The following SLC25A13 variants were observed in gnomAD, a reference collection of about 807,000 sequenced individuals.
The protein encoded by SLC25A13 is electrogenic aspartate/glutamate antiporter SLC25A13, mitochondrial.
In SLC25A13, 70 loss-of-function variants were observed where a neutral mutation model predicts 85.5. The observed-to-expected ratio is 0.82, with a 90% CI of 0.68 to 1.00. The LOEUF (loss-of-function observed/expected upper bound fraction) is 1.00. SLC25A13 is among the 50% of genes least tolerant of loss of function. The pLI, the probability that SLC25A13 is intolerant of heterozygous loss-of-function variation, is 0.00. For missense variants in SLC25A13, 765 were observed against 819.8 expected, an observed-to-expected ratio of 0.93 and a Z score of 0.82; for synonymous variants, 259 against 288.7, an observed-to-expected ratio of 0.90 and a Z score of 1.04.
At position 96,120,782 on chromosome 7, in the gene SLC25A13, C is replaced by T. The variant is rs1017988082; in HGVS notation, c.*409G>A. Reference sequence around the variant, plus strand: ...TGTTTTTTATTTTTATAAATATGCACCTAGTTTCCTACCAGTTTAAAACAC... The same window carrying T: ...TGTTTTTTATTTTTATAAATATGCATCTAGTTTCCTACCAGTTTAAAACAC... On this transcript the variant is annotated 3_prime_UTR_variant, in exon 18 of 18. Coordinates refer to ENST00000265631, the MANE Select transcript of SLC25A13 (RefSeq NM_014251.3). The T allele has an allele frequency of 8.8e-6, 4 of 456,816 alleles. No individual in the cohort carries two copies. Among genetic ancestry groups the T allele is most frequent in the African/African-American group, 6.0e-5 (3 of 50,062 alleles). 28.3% of individuals were successfully genotyped at this position (456,816 alleles called of 1,614,324 possible). A position where few individuals can be genotyped will look rare whatever the true frequency, so the allele number is the denominator to read the frequency against.
At chr7:96,208,802 G>A in intron 5 of SLC25A13, 36 bp downstream of exon 5, 9 of 1,612,502 alleles carry the variant, frequency 5.6e-6, no homozygotes, top group Non-Finnish European at 7.6e-6. Context: ...ACCGTGCCCG[G>A]CCATACCCTT....
At chr7:96,212,855 T>C (rs1050392446) in intron 4 of SLC25A13, among the ~76,000 whole-genome samples, 8 of 152,172 alleles carry the variant, frequency 5.3e-5, no homozygotes, top group Non-Finnish European at 1.2e-4. Flanking sequence ...CTGAAGTTGT[T>C]TACCACTTGG....
At chr7:96,238,816 C>T (rs989363820) in intron 3 of SLC25A13, among the ~76,000 whole-genome samples, 1 of 151,906 alleles carries the variant, frequency 6.6e-6, no homozygotes, top group African/African-American at 2.4e-5. Context: ...ATCATATTTG[C>T]TTAATTACCC....
At chr7:96,284,064 T>A (rs548834000) in intron 2 of SLC25A13, among the ~76,000 whole-genome samples, 1 of 151,266 alleles carries the variant, frequency 6.6e-6, no homozygotes, top group African/African-American at 2.4e-5. Context: ...TAAAAGTAGT[T>A]CCTCTAAATC....
chr7:96,211,928 A>T (rs1000286173), intron 4 of SLC25A13, among the ~76,000 whole-genome samples: 9 of 152,242 alleles, frequency 5.9e-5, no homozygotes, highest in Non-Finnish European at 1.2e-4. Flanking sequence ...TTCCTGATGC[A>T]AGGGTCCAGG....
Position 96,121,356 on chromosome 7 carries a change from T to C in SLC25A13, c.1863A>G (p.Pro621=). ...GCAGGTTGATCCTGGATTTAGGAAC[T>C]GGCTCTGATCCCATGGGTTTTCTAA... The part of the protein sequence containing the change: ...FGGVKPMGSE[P]VPKSRINLPA... Residue 621 remains proline, a synonymous_variant, in exon 18 of 18, where the codon CCA becomes CCG. Transcript: ENST00000265631. The C allele has an allele frequency of 6.2e-7, 1 of 1,614,190 alleles. No homozygotes were observed. The highest frequency in any genetic ancestry group is 8.5e-7 in the Non-Finnish European group (1 of 1,180,022).
At chr7:96,224,525 G>T (rs6950250) in intron 4 of SLC25A13, among the ~76,000 whole-genome samples, 1 of 151,628 alleles carries the variant, frequency 6.6e-6, no homozygotes, top group East Asian at 1.9e-4. Flanking sequence ...CTTCCCTATC[G>T]TCCTGTGATT....
In SLC25A13 at chr7:96,241,037, GGAAAGAAAGAAAGAAAGAAAGAAA is replaced by G. The variant is rs200466951; in HGVS notation, c.213-6144_213-6121del. ...AAGAAAAGAAAAGAAAAGAAAGAAA[GGAAAGAAAGAAAGAAAGAAAGAAA>G]GAAAGAAAGAAAGAAAGAAAGAAAG... On this transcript the variant is annotated intron_variant, in intron 3 of 17. Transcript: ENST00000265631. Among the ~76,000 whole-genome samples, 794 of 80,664 alleles carry G rather than the reference GGAAAGAAAGAAAGAAAGAAAGAAA, an allele frequency of 9.8e-3. 19 individuals carry two copies. The highest frequency in any genetic ancestry group is 0.025 in the African/African-American group (506 of 20,056). 52.9% of individuals were successfully genotyped at this position (80,664 alleles called of 152,430 possible).
At chr7:96,222,796 G>GA (rs1276626343) in intron 4 of SLC25A13, among the ~76,000 whole-genome samples, 1 of 152,052 alleles carries the variant, frequency 6.6e-6, no homozygotes. Flanking sequence ...TTCAGTTACA[G>GA]AAAAATGTAT....
At chr7:96,166,261 C>T (rs1793737245) in intron 13 of SLC25A13, among the ~76,000 whole-genome samples, 3 of 152,114 alleles carry the variant, frequency 2.0e-5, no homozygotes, top group Admixed American at 2.0e-4. Flanking sequence ...GAAAAAATAC[C>T]CTGGACCCAT....
intron 2 of SLC25A13, among the ~76,000 whole-genome samples, chr7:96,284,215 A>T (rs1798801480): frequency 6.6e-6 from 1 of 152,162 alleles, no homozygotes; most frequent in South Asian, 2.1e-4. Context: ...AGGGGAAAAA[A>T]AATTATATAC....
chr7:96,303,360 G>C (rs976944357), intron 1 of SLC25A13, among the ~76,000 whole-genome samples: 18 of 151,978 alleles, frequency 1.2e-4, no homozygotes, highest in African/African-American at 4.1e-4. Context: ...TGTGTGGGTG[G>C]GTGGGTGTAA....
chr7:96,273,233 A>C (rs1214066029), intron 3 of SLC25A13, among the ~76,000 whole-genome samples: 1 of 152,216 alleles, frequency 6.6e-6, no homozygotes, highest in Non-Finnish European at 1.5e-5. Context: ...TTCAAAAGTC[A>C]ATATCACGAA....
At chr7:96,294,625 A>G (rs1370549353) in intron 2 of SLC25A13, among the ~76,000 whole-genome samples, 3 of 147,908 alleles carry the variant, frequency 2.0e-5, no homozygotes, top group African/African-American at 4.9e-5. Context: ...AAAAAAAAAG[A>G]AAAAAAAGAA....
chr7:96,314,514 G>A (rs148272559), intron 1 of SLC25A13, among the ~76,000 whole-genome samples: 24 of 152,214 alleles, frequency 1.6e-4, no homozygotes, highest in Non-Finnish European at 1.9e-4. Context: ...ACCAACACAT[G>A]TCTCAGCGTC....
intron 14 of SLC25A13, among the ~76,000 whole-genome samples, chr7:96,136,568 G>A (rs1249730137): frequency 6.6e-6 from 1 of 152,122 alleles, no homozygotes; most frequent in East Asian, 1.9e-4. Flanking sequence ...ATCTTGGATG[G>A]TAAATCACCT....
chr7:96,193,099 C>G lies in SLC25A13; in HGVS notation c.553G>C (p.Asp185His). The G allele has an allele frequency of 1.9e-6, 3 of 1,614,126 alleles. No individual in the cohort carries two copies. The highest frequency in any genetic ancestry group is 2.5e-6 in the Non-Finnish European group (3 of 1,180,028). The change falls in exon 6 of 18, where the codon GAC (aspartate) becomes CAC (histidine). Residue 185 changes from aspartate to histidine, a missense_variant. Physicochemically the swap from Asp to His is moderately conservative, Grantham distance 81. Transcript: ENST00000265631. ...TGRVTAIDFR[D>H]IMVTIRPHVL... ...TGGGGGCGGATGGTGACCATGATGT[C>G]TCGGAAGTCGATGGCTGTGACTCTC...
At chr7:96,134,810 T>TATATATATATATATATATATATAA (rs1345941396) in intron 14 of SLC25A13, among the ~76,000 whole-genome samples, 12 of 146,302 alleles carry the variant, frequency 8.2e-5, no homozygotes, top group Admixed American at 2.8e-4. Context: ...TATATATATA[T>TATATATATATATATATATATATAA]ATAACCCTGA....
intron 3 of SLC25A13, among the ~76,000 whole-genome samples, chr7:96,254,869 C>T (rs753012229): frequency 6.6e-5 from 10 of 152,174 alleles, no homozygotes; most frequent in African/African-American, 1.9e-4. Context: ...GTGAAAAGGA[C>T]GGGCATGTTA....
Sources: gnomAD v4.1 joint callset for allele counts (sites outside exome capture counted in the v4.1 genomes callset) on GRCh38, gnomAD v4.1.1 for gene constraint, MANE v1.5 for transcripts, NCBI Gene and HGNC (gene_info 2026-07-23, HGNC 2026-07-21) for gene names.